The following DLC1 variants were observed in gnomAD, a reference collection of about 807,000 sequenced individuals.
DLC1 encodes the protein rho GTPase-activating protein 7.
Under a neutral mutation model 140.3 loss-of-function variants are expected in DLC1, and 54 were observed. The observed-to-expected ratio is 0.38, with a 90% CI of 0.31 to 0.48. The LOEUF (loss-of-function observed/expected upper bound fraction) is 0.48, where lower values mean the gene tolerates loss of function less well. Among genes scored for constraint, DLC1 ranks in the 20% least tolerant of loss-of-function variants. The pLI is 0.96. For synonymous variants in DLC1, 986 were observed against 728.1 expected (o/e 1.35, Z -5.70); for missense variants, 2,536 against 1,907.0 (o/e 1.33, Z -6.14).
chr8:13,360,185 G>A (rs564140418), intron 4 of DLC1, among the ~76,000 whole-genome samples: 4 of 151,936 alleles, frequency 2.6e-5, no homozygotes, highest in African/African-American at 4.8e-5. Flanking sequence ...GATAATACCT[G>A]CCTGGTTGTA....
At chr8:13,377,453 T>C (rs949477704) in intron 4 of DLC1, among the ~76,000 whole-genome samples, 2 of 152,156 alleles carry the variant, frequency 1.3e-5, no homozygotes, top group African/African-American at 2.4e-5. Flanking sequence ...AATAACGGCT[T>C]TTATAAACTA....
chr8:13,116,054 G>C (rs898034565), intron 5 of DLC1: 1 of 822,552 alleles, frequency 1.2e-6, no homozygotes, highest in Non-Finnish European at 1.5e-6. Flanking sequence ...AGGCCACAAA[G>C]TACCTCCACC....
intron 2 of DLC1, among the ~76,000 whole-genome samples, chr8:13,489,694 T>G (rs953419103): frequency 6.6e-6 from 1 of 152,128 alleles, no homozygotes; most frequent in Non-Finnish European, 1.5e-5. Context: ...GGCTGTTGGC[T>G]TCTTTAGTTT....
chr8:13,237,488 G>A (rs1486260849), intron 5 of DLC1, among the ~76,000 whole-genome samples: 1 of 151,584 alleles, frequency 6.6e-6, no homozygotes, highest in Non-Finnish European at 1.5e-5. Context: ...AATAGTTTTT[G>A]AGGTACAGGT....
intron 2 of DLC1, among the ~76,000 whole-genome samples, chr8:13,426,202 T>C (rs1838577223): frequency 7.9e-6 from 1 of 126,878 alleles, no homozygotes; most frequent in South Asian, 2.8e-4. Context: ...AAATATTGTC[T>C]CTTAAATGAC....
rs146033869 is a variant in DLC1, at chr8:13,521,817, A to G, written c.-125-21621T>C. On this transcript the variant is annotated intron_variant, in intron 1 of 1. Transcript: ENST00000631382. ...TTTCCCTTTCAAGTGGAACCATTTG[A>G]GAACCTCAGTACACATACCAAGTGA... 1.9e-3 allele frequency among the ~76,000 whole-genome samples: 297 copies of G among 152,316 alleles called. 2 individuals are homozygous for G. Among genetic ancestry groups the G allele is most frequent in the Non-Finnish European group, 3.4e-3 (233 of 68,016 alleles).
intron 5 of DLC1, among the ~76,000 whole-genome samples, chr8:13,124,003 T>C (rs1260008136): frequency 6.6e-6 from 1 of 152,234 alleles, no homozygotes; most frequent in Non-Finnish European, 1.5e-5. Context: ...AACACGTGTC[T>C]GTATATGTAA....
chr8:13,180,711 A>G (rs76831167), intron 5 of DLC1, among the ~76,000 whole-genome samples: 1,714 of 152,336 alleles, frequency 0.011, 14 homozygotes, highest in Middle Eastern at 0.02. Flanking sequence ...AGTCCTTAAC[A>G]TGCCTATATA....
chr8:13,095,523 C>T (rs1818437403), intron 10 of DLC1: 2 of 376,652 alleles, frequency 5.3e-6, no homozygotes, highest in Non-Finnish European at 9.8e-6. Flanking sequence ...CAGTGCTGTT[C>T]TAGATCTTCT....
intron 2 of DLC1, among the ~76,000 whole-genome samples, chr8:13,455,908 A>C (rs1248070974): frequency 1.3e-5 from 2 of 152,200 alleles, no homozygotes; most frequent in African/African-American, 4.8e-5. Context: ...AAGAAAAATA[A>C]ATACAAATAT....
At chr8:13,575,298 G>A (rs1804799514) in intron 1 of DLC1, among the ~76,000 whole-genome samples, 1 of 152,162 alleles carries the variant, frequency 6.6e-6, no homozygotes, top group Non-Finnish European at 1.5e-5. Flanking sequence ...TGCCACATAT[G>A]CACTGAGAGA....
At chr8:13,221,588 C>G (rs1437254978) in intron 5 of DLC1, among the ~76,000 whole-genome samples, 2 of 150,646 alleles carry the variant, frequency 1.3e-5, no homozygotes, top group African/African-American at 4.9e-5. Context: ...CCAGGCTGAT[C>G]TTGAACCCCT....
intron 10 of DLC1, 86 bp from the exon 11 acceptor site, chr8:13,095,331 G>T: frequency 3.9e-6 from 6 of 1,539,202 alleles, no homozygotes; most frequent in Non-Finnish European, 4.5e-6. Flanking sequence ...GGCAAACCCT[G>T]TGGGCTCCAG....
rs547400372 is a variant in DLC1 at position 13,179,485 on chromosome 8, C to T, written c.1349-63828G>A. On this transcript the variant is annotated intron_variant, in intron 5 of 17. Transcript: ENST00000276297. ...CCTGTAATCCCAGCACTTTAGGAGTCTGAGGCAGACAGATTGCTTGAGCTC... is the reference window on the plus strand; with the variant it reads ...CCTGTAATCCCAGCACTTTAGGAGTTTGAGGCAGACAGATTGCTTGAGCTC... 1.7e-4 allele frequency among the ~76,000 whole-genome samples: 26 copies of T among 152,188 alleles called. No homozygotes were observed. In the South Asian group the frequency reaches 4.8e-3, roughly 28 times the overall value.
intron 4 of DLC1, among the ~76,000 whole-genome samples, chr8:13,332,627 C>T (rs202230309): frequency 7.9e-6 from 1 of 126,714 alleles, no homozygotes; most frequent in Non-Finnish European, 1.7e-5. Context: ...GATTGGGTTC[C>T]ATGTTGGCCT....
At chr8:13,128,901 T>TAATTAAGATGGCAAGGCAGAACA (rs1821834124) in intron 5 of DLC1, among the ~76,000 whole-genome samples, 1 of 150,170 alleles carries the variant, frequency 6.7e-6, no homozygotes, top group Non-Finnish European at 1.5e-5. Flanking sequence ...TGTTCTCCAT[T>TAATTAAGATGGCAAGGCAGAACA]AATTATGATG....
At chr8:13,365,368 A>G (rs1229529812) in intron 4 of DLC1, among the ~76,000 whole-genome samples, 1 of 152,152 alleles carries the variant, frequency 6.6e-6, no homozygotes, top group Non-Finnish European at 1.5e-5. Flanking sequence ...AAGTGACTGC[A>G]CAGCTCCCCT....
At chr8:13,106,647 C>T (rs561416806) in intron 7 of DLC1, among the ~76,000 whole-genome samples, 1 of 152,244 alleles carries the variant, frequency 6.6e-6, no homozygotes, top group Non-Finnish European at 1.5e-5. Flanking sequence ...ACGTGCTTAC[C>T]TTTTAACAGA....
intron 2 of DLC1, among the ~76,000 whole-genome samples, chr8:13,404,551 A>G (rs138935550): frequency 3.7e-4 from 57 of 152,326 alleles, no homozygotes; most frequent in African/African-American, 1.3e-3. Flanking sequence ...TACTAAAATA[A>G]CACATTTTAT....
Sources: allele counts gnomAD v4.1 joint callset (sites outside exome capture counted in the v4.1 genomes callset), GRCh38; gene constraint gnomAD v4.1.1; transcripts MANE v1.5; gene names NCBI Gene and HGNC (gene_info 2026-07-23, HGNC 2026-07-21).